LSAMP: variants seen among roughly 807,000 people sequenced by gnomAD.
The protein encoded by LSAMP is limbic system associated membrane protein.
In LSAMP, 7 loss-of-function variants were observed where a neutral mutation model predicts 38.6. The ratio of observed to expected loss-of-function variants is 0.18; its 90% CI spans 0.10 to 0.34. LSAMP has a LOEUF of 0.34. Among genes scored for constraint, LSAMP ranks in the 10% least tolerant of loss-of-function variants. The pLI is 1.00. For missense variants in LSAMP, 313 were observed against 420.0 expected, an observed-to-expected ratio of 0.75 and a Z score of 2.23; for synonymous variants, 154 against 166.8, an observed-to-expected ratio of 0.92 and a Z score of 0.59.
chr3:116,011,259 A>G (rs1002428275), intron 3 of LSAMP, among the ~76,000 whole-genome samples: 1 of 152,056 alleles, frequency 6.6e-6, no homozygotes, highest in Non-Finnish European at 1.5e-5. Flanking sequence ...GAATGAGCAC[A>G]TAGTTAAAAT....
At chr3:115,945,286 T>C (rs1305608424) in intron 3 of LSAMP, among the ~76,000 whole-genome samples, 1 of 152,108 alleles carries the variant, frequency 6.6e-6, no homozygotes, top group African/African-American at 2.4e-5. Context: ...CTCACAAATA[T>C]CTATGCAATG....
intron 1 of LSAMP, among the ~76,000 whole-genome samples, chr3:116,275,895 C>T (rs1406168200): frequency 6.6e-6 from 1 of 152,116 alleles, no homozygotes; most frequent in Non-Finnish European, 1.5e-5. Flanking sequence ...CTGAATAAAA[C>T]CAAATCAGGG....
At chr3:116,227,798 A>G (rs935281165) in intron 1 of LSAMP, among the ~76,000 whole-genome samples, 3 of 152,164 alleles carry the variant, frequency 2.0e-5, no homozygotes, top group African/African-American at 7.2e-5. Flanking sequence ...CACATTTTAA[A>G]TGGTCATAAC....
intron 2 of LSAMP, among the ~76,000 whole-genome samples, chr3:116,027,716 C>T (rs1310886508): frequency 6.6e-6 from 1 of 152,100 alleles, no homozygotes; most frequent in Non-Finnish European, 1.5e-5. Context: ...ATCTACAAAG[C>T]CATTTAATTC....
At chr3:116,071,169 G>T (rs1397356258) in intron 2 of LSAMP, among the ~76,000 whole-genome samples, 1 of 120,622 alleles carries the variant, frequency 8.3e-6, no homozygotes, top group East Asian at 2.1e-4. Flanking sequence ...GATTTTGTGA[G>T]TTTGCATAAA....
At chr3:115,971,607 T>C (rs1333518887) in intron 3 of LSAMP, among the ~76,000 whole-genome samples, 3 of 152,178 alleles carry the variant, frequency 2.0e-5, no homozygotes, top group Non-Finnish European at 4.4e-5. Context: ...TTGTGTTAAC[T>C]CTTCCTAAAA....
At chr3:116,168,140 T>C (rs1421791703) in intron 1 of LSAMP, among the ~76,000 whole-genome samples, 1 of 152,248 alleles carries the variant, frequency 6.6e-6, no homozygotes, top group Non-Finnish European at 1.5e-5. Flanking sequence ...AAATTGTTCC[T>C]TTTTCTAAAT....
At chr3:116,300,231 T>C (rs1172469147) in intron 1 of LSAMP, among the ~76,000 whole-genome samples, 1 of 152,222 alleles carries the variant, frequency 6.6e-6, no homozygotes, top group African/African-American at 2.4e-5. Context: ...GAAGAAAGCA[T>C]GCTGGCTGTG....
At chr3:116,177,246 A>G (rs985744348) in intron 1 of LSAMP, among the ~76,000 whole-genome samples, 5 of 152,104 alleles carry the variant, frequency 3.3e-5, no homozygotes, top group African/African-American at 1.2e-4. Flanking sequence ...AATAATTTCC[A>G]AGGCTGACAT....
At chr3:115,902,031 GA>G (rs35973093) in intron 3 of LSAMP, among the ~76,000 whole-genome samples, 29,529 of 151,364 alleles carry the variant, frequency 0.2, 3,201 homozygotes, top group African/African-American at 0.29. Flanking sequence ...AAAGGCAACA[GA>G]AAAAAAATCA....
intron 1 of LSAMP, among the ~76,000 whole-genome samples, chr3:116,194,192 A>T (rs1404150966): frequency 6.6e-6 from 1 of 152,142 alleles, no homozygotes; most frequent in Non-Finnish European, 1.5e-5. Flanking sequence ...GTAAACTAGT[A>T]TATAGGAAGC....
At chr3:116,077,812 T>C (rs1707780266) in intron 2 of LSAMP, among the ~76,000 whole-genome samples, 1 of 152,226 alleles carries the variant, frequency 6.6e-6, no homozygotes, top group Non-Finnish European at 1.5e-5. Flanking sequence ...CTTCAGTCTC[T>C]CTTGACTTTT....
chr3:115,877,263 T>C (rs1040799817), intron 3 of LSAMP, among the ~76,000 whole-genome samples: 6 of 152,052 alleles, frequency 3.9e-5, no homozygotes, highest in Non-Finnish European at 8.8e-5. Flanking sequence ...TGTTTTTTTT[T>C]TCTCCTTCCT....
chr3:116,197,161 A>ACT (rs1553712541), intron 1 of LSAMP, among the ~76,000 whole-genome samples: 19 of 150,126 alleles, frequency 1.3e-4, no homozygotes, highest in East Asian at 1.2e-3. Flanking sequence ...ACACACACAC[A>ACT]CACTCTCTCT....
intron 3 of LSAMP, among the ~76,000 whole-genome samples, chr3:116,018,550 A>G (rs937855817): frequency 5.3e-5 from 8 of 152,194 alleles, no homozygotes; most frequent in African/African-American, 1.9e-4. Flanking sequence ...AGTTCTCTAC[A>G]AAATCAATAA....
chr3:115,979,225 G>A (rs896808454), intron 3 of LSAMP, among the ~76,000 whole-genome samples: 1 of 151,758 alleles, frequency 6.6e-6, no homozygotes, highest in African/African-American at 2.4e-5. Context: ...AGAATAAGTT[G>A]GTCGTATTGA....
In LSAMP at chr3:115,810,221, ATCTCTCTCTC is replaced by A. The variant is rs528530751; in HGVS notation, c.*86_*95del. On this transcript the variant is annotated 3_prime_UTR_variant, in exon 7 of 7. Coordinates refer to ENST00000490035, the MANE Select transcript of LSAMP (RefSeq NM_002338.5). Reference sequence around the variant, plus strand: ...AGTTGTGAAATAAACGGTCTCCCCCATCTCTCTCTCTCTCTCTCTCTCTGTCTCTCTCTCT... The same window carrying A: ...AGTTGTGAAATAAACGGTCTCCCCCATCTCTCTCTCTCTGTCTCTCTCTCT... The A allele has an allele frequency of 7.7e-6, 5 of 648,420 alleles. No homozygotes were observed. In the Admixed American group the frequency reaches 1.3e-4, roughly 16 times the overall value. 40.2% of individuals were successfully genotyped at this position (648,420 alleles called of 1,614,324 possible). A position where few individuals can be genotyped will look rare whatever the true frequency, so the allele number is the denominator to read the frequency against.
chr3:116,399,956 C>T (rs2048817079), intron 1 of LSAMP, among the ~76,000 whole-genome samples: 2 of 152,240 alleles, frequency 1.3e-5, no homozygotes, highest in South Asian at 4.1e-4. Context: ...AGAAAGGAAA[C>T]AGAAAATCAA....
At chr3:116,300,456 T>G (rs1248126147) in intron 1 of LSAMP, among the ~76,000 whole-genome samples, 1 of 152,146 alleles carries the variant, frequency 6.6e-6, no homozygotes, top group Non-Finnish European at 1.5e-5. Context: ...TAAAGTCACT[T>G]AAATCAGGGG....
Sources: gnomAD v4.1 joint callset for allele counts (sites outside exome capture counted in the v4.1 genomes callset) on GRCh38, gnomAD v4.1.1 for gene constraint, MANE v1.5 for transcripts, NCBI Gene and HGNC (gene_info 2026-07-23, HGNC 2026-07-21) for gene names.